Variants in GEMIN8 observed in about 807,000 individuals in gnomAD.
The protein encoded by GEMIN8 is gem nuclear organelle associated protein 8, also known as gem-associated protein 8.
For synonymous variants in GEMIN8, 80 were observed against 78.5 expected, an observed-to-expected ratio of 1.02 and a Z score of -0.10; for missense variants, 185 against 205.9, an observed-to-expected ratio of 0.90 and a Z score of 0.62.
chrX:14,003,966 T>A (rs938039530), downstream of GEMIN8, among the ~76,000 whole-genome samples: 2 of 111,991 alleles, frequency 1.8e-5, no homozygotes, highest in Non-Finnish European at 3.8e-5. Context: ...CAAAGCTGGG[T>A]TATTACCATT....
chrX:14,008,658 T>C lies in GEMIN8; in HGVS notation c.*255A>G. ...ATGAATTGAACTGTTACCAACAACA[T>C]AAAAAACCAGTATAGTATATGCAAA... On this transcript the variant is annotated 3_prime_UTR_variant, in exon 5 of 5. Transcript: ENST00000680255. 1 of 376,907 alleles carries C rather than the reference T, an allele frequency of 2.7e-6. No individual in the cohort carries two copies. Among genetic ancestry groups the C allele is most frequent in the South Asian group, 5.9e-5 (1 of 17,077 alleles). 31.1% of individuals were successfully genotyped at this position (376,907 alleles called of 1,213,427 possible). A position where few individuals can be genotyped will look rare whatever the true frequency, so the allele number is the denominator to read the frequency against.
chrX:14,027,322 G>A (rs760981458), intron 1 of GEMIN8, among the ~76,000 whole-genome samples: 1 of 112,683 alleles, frequency 8.9e-6, no homozygotes, highest in South Asian at 3.6e-4. Context: ...CCTCCCTCCT[G>A]TGTCTTTGCA....
the GEMIN8 span, among the ~76,000 whole-genome samples, chrX:13,987,675 G>A: frequency 8.9e-6 from 1 of 112,134 alleles, no homozygotes; most frequent in Non-Finnish European, 1.9e-5. Flanking sequence ...AACCTCTAAT[G>A]TATGGGGAAC....
At chrX:14,010,576 A>G (rs1603187162) in intron 4 of GEMIN8, among the ~76,000 whole-genome samples, 1 of 112,708 alleles carries the variant, frequency 8.9e-6, no homozygotes, top group African/African-American at 3.2e-5. Flanking sequence ...AGATATTTAT[A>G]AGGCCATGCA....
chrX:14,019,993 T>C lies in GEMIN8; in HGVS notation c.472+85A>G, dbSNP rs141751592. 4,653 of 510,953 alleles carry C rather than the reference T, an allele frequency of 9.1e-3. 100 individuals are homozygous for C. In the East Asian group the frequency reaches 0.099, roughly 11 times the overall value. The allele number at this position is 510,953 out of a possible 1,213,427, so 42.1% of individuals were successfully genotyped here. A position where few individuals can be genotyped will look rare whatever the true frequency, so the allele number is the denominator to read the frequency against. ...TATTACCCTAGCCAATGAAGAATTA[T>C]AAAATTACTTTATATATTAGAGAAA... On this transcript the variant is annotated intron_variant, in intron 4 of 4. Transcript: ENST00000680255.
intron 4 of GEMIN8, among the ~76,000 whole-genome samples, chrX:14,018,862 C>T (rs1439453934): frequency 9.5e-6 from 1 of 105,356 alleles, no homozygotes; most frequent in Non-Finnish European, 1.9e-5. Flanking sequence ...AACTCCTGGG[C>T]TCAAGCCATC....
intron 4 of GEMIN8, among the ~76,000 whole-genome samples, chrX:14,012,746 GAAC>G (rs1317504002): frequency 9.0e-6 from 1 of 111,252 alleles, no homozygotes; most frequent in Admixed American, 9.6e-5. Flanking sequence ...TGCTGTTAAA[GAAC>G]AATAATGACA....
intron 2 of GEMIN8, among the ~76,000 whole-genome samples, chrX:14,021,925 A>G (rs1489488298): frequency 1.0e-5 from 1 of 98,236 alleles, no homozygotes; most frequent in Non-Finnish European, 2.0e-5. Context: ...TGTATAATGT[A>G]TAATGTATAC....
At chrX:14,020,600 A>G in intron 3 of GEMIN8, 66 bp from the exon 4 acceptor site, 1 of 715,154 alleles carries the variant, frequency 1.4e-6, no homozygotes, top group African/African-American at 2.1e-5. Flanking sequence ...GAAATCTTCA[A>G]ATGTTTAATC....
At chrX:13,986,753 A>T in the GEMIN8 span, among the ~76,000 whole-genome samples, 1 of 111,930 alleles carries the variant, frequency 8.9e-6, no homozygotes, top group African/African-American at 3.2e-5. Context: ...TCCCTGGCTG[A>T]AAACCAAGGT....
chrX:14,018,240 G>A (rs1924062576), intron 4 of GEMIN8, among the ~76,000 whole-genome samples: 1 of 112,559 alleles, frequency 8.9e-6, no homozygotes, highest in African/African-American at 3.2e-5. Context: ...GAGGAATAGG[G>A]ATGGTTGTTA....
intron 2 of GEMIN8, among the ~76,000 whole-genome samples, chrX:14,025,293 C>A (rs1569372117): frequency 9.2e-6 from 1 of 108,756 alleles, no homozygotes; most frequent in Non-Finnish European, 1.9e-5. Flanking sequence ...GGCTTGTGGG[C>A]CACATACAGT....
At chrX:14,028,841 G>A (rs1924830987) in intron 1 of GEMIN8, among the ~76,000 whole-genome samples, 1 of 112,239 alleles carries the variant, frequency 8.9e-6, no homozygotes, top group Non-Finnish European at 1.9e-5. Flanking sequence ...CAAAGAGACT[G>A]TTATTCCGAT....
In GEMIN8 at chrX:14,021,447, A is replaced by G. The variant is rs1228261779; in HGVS notation, c.15+17T>C. 2.0e-6 allele frequency: 2 copies of G among 1,022,726 alleles called. No individual in the cohort carries two copies. Among genetic ancestry groups the G allele is most frequent in the South Asian group, 4.0e-5 (2 of 50,234 alleles). 84.3% of individuals were successfully genotyped at this position (1,022,726 alleles called of 1,213,427 possible). A position where few individuals can be genotyped will look rare whatever the true frequency, so the allele number is the denominator to read the frequency against. On this transcript the variant is annotated intron_variant, in intron 3 of 4. Coordinates refer to ENST00000680255, the MANE Select transcript of GEMIN8 (RefSeq NM_001042479.2). Reference sequence around the variant, plus strand: ...ACTTACGAGCTCAAAAAAAAAATAAAAAAATAAAAATCTTACCTTTACCGC... The same window carrying G: ...ACTTACGAGCTCAAAAAAAAAATAAGAAAATAAAAATCTTACCTTTACCGC...
At chrX:14,017,947 A>T (rs1484699010) in intron 4 of GEMIN8, among the ~76,000 whole-genome samples, 1 of 112,241 alleles carries the variant, frequency 8.9e-6, no homozygotes, top group Admixed American at 9.4e-5. Context: ...GGAGCCGTAA[A>T]GTAACTAGAC....
chrX:13,993,940 A>G, the GEMIN8 span, among the ~76,000 whole-genome samples: 4 of 111,249 alleles, frequency 3.6e-5, no homozygotes, highest in East Asian at 1.1e-3. Flanking sequence ...CTGTGTTTTA[A>G]TGAGCTCCCC....
chrX:13,999,437 C>T, the GEMIN8 span, among the ~76,000 whole-genome samples: 15 of 109,546 alleles, frequency 1.4e-4, no homozygotes, highest in African/African-American at 4.7e-4. Flanking sequence ...TCACCACGCC[C>T]GGCTAATTTT....
chrX:14,022,079 TAC>T (rs774846796), intron 2 of GEMIN8, among the ~76,000 whole-genome samples: 107 of 102,066 alleles, frequency 1.0e-3, no homozygotes, highest in African/African-American at 3.4e-3. Flanking sequence ...TATATATATA[TAC>T]ACACACACAC....
At chrX:14,011,206 C>T (rs1209556915) in intron 4 of GEMIN8, among the ~76,000 whole-genome samples, 1 of 111,788 alleles carries the variant, frequency 8.9e-6, no homozygotes, top group Non-Finnish European at 1.9e-5. Context: ...AGCTTAGCTT[C>T]GTGCTTTTAG....
Sources: gnomAD v4.1 joint callset for allele counts (sites outside exome capture counted in the v4.1 genomes callset) on GRCh38, gnomAD v4.1.1 for gene constraint, MANE v1.5 for transcripts, NCBI Gene and HGNC (gene_info 2026-07-23, HGNC 2026-07-21) for gene names.